The following RINT1 variants were observed in gnomAD, a reference collection of about 807,000 sequenced individuals.
RINT1 encodes RAD50 interactor 1.
Under a neutral mutation model 97.7 loss-of-function variants are expected in RINT1, and 75 were observed. The observed-to-expected ratio is 0.77, with a 90% confidence interval of 0.64 to 0.93. The LOEUF (loss-of-function observed/expected upper bound fraction) is 0.93. RINT1 is among the 40% of genes least tolerant of loss of function. The pLI, the probability that RINT1 is intolerant of heterozygous loss-of-function variation, is 0.00. For synonymous variants in RINT1, 303 were observed against 326.3 expected (o/e 0.93, Z 0.77); for missense variants, 892 against 925.2 (o/e 0.96, Z 0.47).
chr7:105,550,572 A>T, intron 9 of RINT1, 86 bp downstream of exon 9: 7 of 969,808 alleles, frequency 7.2e-6, no homozygotes, highest in Non-Finnish European at 1.1e-5. Flanking sequence ...CCAGTTCTAA[A>T]TAGGAACTAG....
At chr7:105,545,531 T>G (rs1562845903) in intron 4 of RINT1, among the ~76,000 whole-genome samples, 3 of 107,478 alleles carry the variant, frequency 2.8e-5, no homozygotes, top group Non-Finnish European at 2.2e-5. Flanking sequence ...TATATATATA[T>G]TTTTTTTTTT....
chr7:105,565,904 C>T (rs573126101), intron 14 of RINT1, among the ~76,000 whole-genome samples: 1 of 151,834 alleles, frequency 6.6e-6, no homozygotes, highest in South Asian at 2.1e-4. Flanking sequence ...TTTAATGCTT[C>T]TAGTTGCTTA....
At chr7:105,549,899 G>T (rs1280906514) in intron 7 of RINT1, among the ~76,000 whole-genome samples, 156 bp from the exon 8 acceptor site, 2 of 152,130 alleles carry the variant, frequency 1.3e-5, no homozygotes, top group East Asian at 1.9e-4. Context: ...AGCCTTGCAG[G>T]AGTTTAAAAT....
At chr7:105,553,781 C>T (rs562355602) in intron 10 of RINT1, among the ~76,000 whole-genome samples, 338 of 150,072 alleles carry the variant, frequency 2.3e-3, no homozygotes, top group African/African-American at 7.5e-3. Flanking sequence ...AGTGCTGTGG[C>T]GCAATCTCGG....
intron 11 of RINT1, among the ~76,000 whole-genome samples, chr7:105,561,100 GA>G (rs77538953): frequency 7.2e-4 from 97 of 134,640 alleles, no homozygotes; most frequent in South Asian, 1.2e-3. Flanking sequence ...GAGTTTTAGA[GA>G]AAAAAAAAAA....
chr7:105,535,931 T>C (rs1259449962), intron 2 of RINT1, among the ~76,000 whole-genome samples: 1 of 152,196 alleles, frequency 6.6e-6, no homozygotes, highest in African/African-American at 2.4e-5. Context: ...TATTATTCCT[T>C]GTCTATTGAA....
intron 10 of RINT1, 139 bp from the exon 11 acceptor site, chr7:105,554,889 A>T: frequency 1.5e-6 from 1 of 650,596 alleles, no homozygotes; most frequent in South Asian, 1.9e-5. Context: ...TCCTTAAGAG[A>T]GCTCAGAAAT....
Position 105,555,035 on chromosome 7 carries a change from T to G in RINT1, c.1479T>G (p.Tyr493Ter). ...TAATAACTTTTTCCACAGACAGGTA[T>G]AAAAATCTTCCCACAGCTTCCCGAA... ...MTLLLVITDR[Y>*]KNLPTASRKL... is the part of the protein sequence containing the mutation. The change falls in exon 11 of 15, where the codon TAT becomes TAG. Residue 493 changes from tyrosine (Y) to a stop codon, truncating the protein, a stop_gained. Coordinates refer to ENST00000257700, the MANE Select transcript of RINT1 (RefSeq NM_021930.6). LOFTEE classifies it high-confidence loss of function. 1 of 1,613,500 alleles carries G rather than the reference T, an allele frequency of 6.2e-7. No homozygotes were observed. The highest frequency in any genetic ancestry group is 8.5e-7 in the Non-Finnish European group (1 of 1,179,766).
intron 11 of RINT1, among the ~76,000 whole-genome samples, 156 bp from the exon 12 acceptor site, chr7:105,563,577 C>T (rs1182128362): frequency 6.6e-6 from 1 of 152,090 alleles, no homozygotes; most frequent in Non-Finnish European, 1.5e-5. Context: ...GGTGATCCAC[C>T]CACCTCAGCC....
chr7:105,563,167 C>T (rs778855948), intron 11 of RINT1, among the ~76,000 whole-genome samples: 6 of 152,108 alleles, frequency 3.9e-5, no homozygotes, highest in Non-Finnish European at 8.8e-5. Flanking sequence ...ACCAACCATA[C>T]GTTGTATGAT....
At chr7:105,536,092 G>A (rs1337388810) in intron 2 of RINT1, among the ~76,000 whole-genome samples, 3 of 152,032 alleles carry the variant, frequency 2.0e-5, no homozygotes, top group Non-Finnish European at 4.4e-5. Flanking sequence ...TATTAACTTT[G>A]TTTTGTTTTG....
chr7:105,553,311 C>T (rs1026554256), intron 10 of RINT1, among the ~76,000 whole-genome samples: 3 of 151,894 alleles, frequency 2.0e-5, no homozygotes, highest in Non-Finnish European at 4.4e-5. Context: ...CTGCAACCTC[C>T]GCCTCCTGGG....
intron 10 of RINT1, among the ~76,000 whole-genome samples, chr7:105,552,947 C>T (rs1305363258): frequency 6.6e-6 from 1 of 151,934 alleles, no homozygotes; most frequent in African/African-American, 2.4e-5. Context: ...GCTGGGATTA[C>T]AGGCATGAGC....
intron 7 of RINT1, 62 bp downstream of exon 7, chr7:105,548,772 C>G (rs1038506793): frequency 9.6e-6 from 14 of 1,456,674 alleles, no homozygotes; most frequent in African/African-American, 1.4e-5. Flanking sequence ...GTTTCTATAC[C>G]TTTGCTGGTT....
intron 4 of RINT1, among the ~76,000 whole-genome samples, chr7:105,543,983 C>T (rs1179026384): frequency 6.6e-6 from 1 of 151,470 alleles, no homozygotes; most frequent in Non-Finnish European, 1.5e-5. Context: ...GCCTGTAATC[C>T]CAGCTACTTG....
intron 3 of RINT1, among the ~76,000 whole-genome samples, chr7:105,538,492 G>T (rs1014184254): frequency 3.9e-5 from 6 of 152,198 alleles, no homozygotes; most frequent in African/African-American, 1.4e-4. Flanking sequence ...CAGGCAGGTT[G>T]TTGTGGGCCC....
chr7:105,559,540 C>CAAAAAAAAA (rs60718751), intron 11 of RINT1, among the ~76,000 whole-genome samples: 4 of 59,018 alleles, frequency 6.8e-5, no homozygotes, highest in African/African-American at 1.3e-4. Flanking sequence ...GACTCTGTCT[C>CAAAAAAAAA]AAAAAAAAAA....
At chr7:105,552,907 T>C (rs1243750098) in intron 10 of RINT1, among the ~76,000 whole-genome samples, 1 of 151,876 alleles carries the variant, frequency 6.6e-6, no homozygotes, top group South Asian at 2.1e-4. Context: ...CTCCTGACCT[T>C]GTGATCCACC....
chr7:105,565,504 G>A (rs754359023), intron 13 of RINT1, 26 bp from the exon 14 acceptor site: 7 of 1,610,680 alleles, frequency 4.3e-6, no homozygotes, highest in Non-Finnish European at 5.9e-6. Context: ...AAAGACAACT[G>A]TTATATGAAT....
Sources: allele counts gnomAD v4.1 joint callset (sites outside exome capture counted in the v4.1 genomes callset), GRCh38; gene constraint gnomAD v4.1.1; transcripts MANE v1.5; gene names NCBI Gene and HGNC (gene_info 2026-07-23, HGNC 2026-07-21).